Variants in EEF2KMT observed in about 807,000 individuals in gnomAD.
The protein encoded by EEF2KMT is eukaryotic elongation factor 2 lysine methyltransferase, also known as protein-lysine N-methyltransferase EEF2KMT.
Under a neutral mutation model 35.1 loss-of-function variants are expected in EEF2KMT, and 30 were observed. The ratio of observed to expected loss-of-function variants is 0.85; its 90% CI spans 0.64 to 1.16. The LOEUF is 1.16. Ranked by LOEUF, EEF2KMT falls within the 50% of genes most tolerant of loss-of-function variation. The pLI is 0.00. For synonymous variants in EEF2KMT, 190 were observed against 187.7 expected (o/e 1.01, Z -0.10); for missense variants, 499 against 438.2 (o/e 1.14, Z -1.24).
Position 5,091,779 on chromosome 16 carries a change from G to A in EEF2KMT, c.342+15C>T. Reference sequence around the variant, plus strand: ...TATCTGGGCTGTGAGGGGGAGGAGGGTGCCCTTCTCATACCAGCAAATAGC... The same window carrying A: ...TATCTGGGCTGTGAGGGGGAGGAGGATGCCCTTCTCATACCAGCAAATAGC... On this transcript the variant is annotated intron_variant, in intron 4 of 7. Transcript: ENST00000427587. The A allele has an allele frequency of 6.2e-7, 1 of 1,611,416 alleles. No individual in the cohort carries two copies. Among genetic ancestry groups the A allele is most frequent in the Non-Finnish European group, 8.5e-7 (1 of 1,179,572 alleles).
intron 7 of EEF2KMT, among the ~76,000 whole-genome samples, chr16:5,088,249 G>A (rs1292280069): frequency 2.9e-5 from 3 of 101,986 alleles, no homozygotes; most frequent in African/African-American, 1.1e-4. Context: ...CCAGCCTCCT[G>A]TGCGAGGTTG....
Position 5,095,513 on chromosome 16 carries a change from C to T in EEF2KMT, c.98G>A (p.Ser33Asn), listed in dbSNP as rs1165363806. 8 of 1,611,496 alleles carry T rather than the reference C, an allele frequency of 5.0e-6. No homozygotes were observed. In the Admixed American group the frequency reaches 8.3e-5, roughly 17 times the overall value. Reference protein sequence around the residue: ...ARTLRSFPWQSLEAKLRDSSD... With the variant: ...ARTLRSFPWQNLEAKLRDSSD... Reference sequence around the variant, plus strand: ...TGAGTCTCTTAACTTTGCTTCTAAGCTCTGTGTGGAGGGGAAAGAGAGAAA... The same window carrying T: ...TGAGTCTCTTAACTTTGCTTCTAAGTTCTGTGTGGAGGGGAAAGAGAGAAA... Residue 33 changes from serine to asparagine, a missense_variant and splice_region_variant, in exon 2 of 8, where the codon AGC becomes AAC. Ser to Asn is a conservative substitution (Grantham distance 46). Transcript: ENST00000427587.
chr16:5,087,157 G>A (rs1381696957), intron 7 of EEF2KMT: 1 of 152,234 alleles, frequency 6.6e-6, no homozygotes, highest in African/African-American at 2.4e-5. Context: ...ACTGGAAGAA[G>A]AAGAATCGCC....
chr16:5,095,832 G>C (rs1429991553), intron 1 of EEF2KMT, among the ~76,000 whole-genome samples: 2 of 33,790 alleles, frequency 5.9e-5, no homozygotes, highest in African/African-American at 1.4e-4. Flanking sequence ...TGATGGGCTT[G>C]CCATCTAAGT....
chr16:5,084,459 A>G lies in EEF2KMT; in HGVS notation c.*1173T>C, dbSNP rs1168124212. The G allele has an allele frequency of 7.1e-6, 4 of 566,120 alleles. No individual in the cohort carries two copies. Among genetic ancestry groups the G allele is most frequent in the Non-Finnish European group, 1.3e-5 (4 of 316,722 alleles). 35.1% of individuals were successfully genotyped at this position (566,120 alleles called of 1,614,324 possible). A position where few individuals can be genotyped will look rare whatever the true frequency, so the allele number is the denominator to read the frequency against. On this transcript the variant is annotated 3_prime_UTR_variant, in exon 8 of 8. Coordinates refer to ENST00000427587, the MANE Select transcript of EEF2KMT (RefSeq NM_201400.4). ...ACAGATGGGTGAGACTGCGTTGGCC[A>G]GAGGCCGAGAGGAGGGTGCTCACAG...
intron 3 of EEF2KMT, among the ~76,000 whole-genome samples, chr16:5,092,289 T>C (rs1957356608): frequency 6.6e-6 from 1 of 152,152 alleles, no homozygotes; most frequent in Non-Finnish European, 1.5e-5. Context: ...TAGAGAGCCG[T>C]GTTTGGATCA....
chr16:5,092,582 T>C (rs571927161), intron 3 of EEF2KMT, among the ~76,000 whole-genome samples: 10 of 152,250 alleles, frequency 6.6e-5, no homozygotes, highest in Non-Finnish European at 1.3e-4. Context: ...AAAGTGTGGC[T>C]CTTTCACTCA....
intron 4 of EEF2KMT, 68 bp downstream of exon 4, chr16:5,091,726 C>G (rs1054763620): frequency 1.2e-6 from 2 of 1,600,098 alleles, no homozygotes; most frequent in Non-Finnish European, 8.5e-7. Flanking sequence ...CCCACACCCA[C>G]GTTTTCACTT....
chr16:5,086,436 G>A (rs145467146), intron 7 of EEF2KMT: 1,799 of 151,624 alleles, frequency 0.012, 20 homozygotes, highest in Non-Finnish European at 0.015. Flanking sequence ...CTGAAGAGCC[G>A]TTAGCCAGAA....
chr16:5,093,471 GC>G lies in EEF2KMT; in HGVS notation c.240+12del, dbSNP rs1450961737. 1 of 1,611,896 alleles carries G rather than the reference GC, an allele frequency of 6.2e-7. No individual in the cohort carries two copies. The highest frequency in any genetic ancestry group is 2.2e-5 in the East Asian group (1 of 44,886). ...GCTGTCCGGCTACTGGGCGGACACT[GC>G]CCATAACTGACCTTTTTGATGAGTT... On this transcript the variant is annotated intron_variant, in intron 3 of 7. Coordinates refer to ENST00000427587, the MANE Select transcript of EEF2KMT (RefSeq NM_201400.4).
chr16:5,090,067 C>G lies in EEF2KMT; in HGVS notation c.742+17G>C. The G allele has an allele frequency of 6.2e-7, 1 of 1,601,170 alleles. No homozygotes were observed. The highest frequency in any genetic ancestry group is 8.5e-7 in the Non-Finnish European group (1 of 1,179,770). On this transcript the variant is annotated intron_variant, in intron 6 of 7. Coordinates refer to ENST00000427587, the MANE Select transcript of EEF2KMT (RefSeq NM_201400.4). This position sits in a 1 kb window ranked among gnomAD's most constrained non-coding sequence, Gnocchi z 4.1. ...CAAGGACACCACCTGCACAGGGTGC[C>G]CGGGGCTGGGCATTACCTGCTGCAA...
chr16:5,088,509 G>C (rs1596271509), intron 7 of EEF2KMT, among the ~76,000 whole-genome samples: 3 of 152,132 alleles, frequency 2.0e-5, no homozygotes, highest in African/African-American at 7.2e-5. Flanking sequence ...CAGGTGGCTG[G>C]GGTGCAGTCT....
chr16:5,096,531 C>G (rs4047298), intron 1 of EEF2KMT, among the ~76,000 whole-genome samples: 2 of 152,162 alleles, frequency 1.3e-5, no homozygotes, highest in African/African-American at 4.8e-5. Context: ...TGTACTCAAC[C>G]CTGACAACAA....
At position 5,090,262 on chromosome 16, in the gene EEF2KMT, G is replaced by T. The variant is rs147732641; in HGVS notation, c.564C>A (p.Asp188Glu). 1.8e-5 allele frequency: 29 copies of T among 1,612,074 alleles called. No individual in the cohort carries two copies. In the African/African-American group the frequency reaches 2.9e-4, roughly 16 times the overall value. Residue 188 changes from aspartate (D) to glutamate (E), a missense_variant, in exon 6 of 8, where the codon GAC becomes GAA. Transcript: ENST00000427587. The surrounding 1 kb of genome is among the most constrained non-coding windows in gnomAD (Gnocchi z 4.1). ...GCTGCTCAAGGACCCGGCTGTGACAGTCGCTGAAGATGTATGCCCGGGGGC... is the reference window on the plus strand; with the variant it reads ...GCTGCTCAAGGACCCGGCTGTGACATTCGCTGAAGATGTATGCCCGGGGGC... ...MCRPRAYIFS[D>E]CHSRVLEQLR...
intron 4 of EEF2KMT, among the ~76,000 whole-genome samples, chr16:5,091,034 C>A (rs1319157059): frequency 1.3e-5 from 2 of 152,174 alleles, no homozygotes; most frequent in African/African-American, 4.8e-5. Context: ...CCTGCCTCAG[C>A]CGCCCAGGTA....
Position 5,084,465 on chromosome 16 carries a change from C to T in EEF2KMT, c.*1167G>A, listed in dbSNP as rs1329925464. 2 of 574,040 alleles carry T rather than the reference C, an allele frequency of 3.5e-6. No homozygotes were observed. The highest frequency in any genetic ancestry group is 1.9e-5 in the African/African-American group (1 of 53,314). 35.6% of individuals were successfully genotyped at this position (574,040 alleles called of 1,614,324 possible). A position where few individuals can be genotyped will look rare whatever the true frequency, so the allele number is the denominator to read the frequency against. ...GGGTGAGACTGCGTTGGCCAGAGGC[C>T]GAGAGGAGGGTGCTCACAGGGGAAT... is the stretch of plus-strand genomic sequence containing the variant. On this transcript the variant is annotated 3_prime_UTR_variant, in exon 8 of 8. Transcript: ENST00000427587.
rs1957083069 is a variant in EEF2KMT at position 5,084,593 on chromosome 16, G to A, written c.*1039C>T. On this transcript the variant is annotated 3_prime_UTR_variant, in exon 8 of 8. Transcript: ENST00000427587. ...ACTGTGATGTCAAGTTGGAGGCGGA[G>A]TGCTGCTGGGGTGTGAAGGGTCTCG... is the stretch of plus-strand genomic sequence containing the variant. 6.1e-6 allele frequency: 7 copies of A among 1,151,258 alleles called. 1 individual carries two copies. The highest frequency in any genetic ancestry group is 2.6e-5 in the South Asian group (2 of 75,472). 71.3% of individuals were successfully genotyped at this position (1,151,258 alleles called of 1,614,324 possible). A position where few individuals can be genotyped will look rare whatever the true frequency, so the allele number is the denominator to read the frequency against.
chr16:5,092,729 G>A lies in EEF2KMT; in HGVS notation c.240+755C>T, dbSNP rs1010551191. On this transcript the variant is annotated intron_variant, in intron 3 of 7. Transcript: ENST00000427587. ...TGTAATCCCAGCACTTTGGGAGGCC[G>A]AGGCAGGCGGATCACCTGAGGTCAG... is the stretch of plus-strand genomic sequence containing the variant. 3.2e-4 allele frequency among the ~76,000 whole-genome samples: 48 copies of A among 152,276 alleles called. 1 individual carries two copies. The highest frequency in any genetic ancestry group is 3.9e-4 in the East Asian group (2 of 5,178).
At chr16:5,091,756 T>C in intron 4 of EEF2KMT, 38 bp downstream of exon 4, 1 of 1,610,284 alleles carries the variant, frequency 6.2e-7, no homozygotes, top group East Asian at 2.2e-5. Flanking sequence ...AGGAAGGGTA[T>C]CTGGGCTGTG....
Sources: allele counts gnomAD v4.1 joint callset (sites outside exome capture counted in the v4.1 genomes callset), GRCh38; gene constraint gnomAD v4.1.1; non-coding constraint Gnocchi (gnomAD v3.1); transcripts MANE v1.5; gene names NCBI Gene and HGNC (gene_info 2026-07-23, HGNC 2026-07-21).